Variants in PACRG observed in about 807,000 individuals in gnomAD.
PACRG encodes parkin coregulated gene protein.
Under a neutral mutation model 29.7 loss-of-function variants are expected in PACRG, and 29 were observed. The observed-to-expected ratio is 0.98, with a 90% CI of 0.73 to 1.33. PACRG has a LOEUF of 1.33. Among genes scored for constraint, PACRG ranks in the 40% most tolerant of loss-of-function variants. The probability of loss-of-function intolerance (pLI) is 0.00; values close to 1 mark genes in which losing one functional copy is unlikely to be tolerated. For synonymous variants in PACRG, 116 were observed against 118.7 expected, an observed-to-expected ratio of 0.98 and a Z score of 0.15; for missense variants, 279 against 316.2, an observed-to-expected ratio of 0.88 and a Z score of 0.89.
chr6:163,173,774 A>G (rs1261552612), intron 4 of PACRG, among the ~76,000 whole-genome samples: 4 of 152,184 alleles, frequency 2.6e-5, no homozygotes, highest in Non-Finnish European at 5.9e-5. Flanking sequence ...CCAGCTCAGG[A>G]GCTTTCACCT....
chr6:163,058,183 T>G (rs1429715240), intron 2 of PACRG, among the ~76,000 whole-genome samples: 1 of 152,182 alleles, frequency 6.6e-6, no homozygotes, highest in African/African-American at 2.4e-5. Context: ...AAGAATTTTC[T>G]TGACTCTTCA....
rs76574627 is a variant in PACRG at position 162,951,243 on chromosome 6, A to G, written c.292-110907A>G. The stretch of plus-strand genomic sequence containing the variant: ...GAAAGGGTTTGGGCTTTATAGCAAA[A>G]GTTCCCTCCCAGGTTTTCTATCAAG... On this transcript the variant is annotated intron_variant, in intron 2 of 4. Transcript: ENST00000366888. Among the ~76,000 whole-genome samples the G allele has an allele frequency of 4.3e-3, 655 of 152,336 alleles. 2 individuals are homozygous for G. Among genetic ancestry groups the G allele is most frequent in the Non-Finnish European group, 7.1e-3 (484 of 68,038 alleles).
rs150982774 is a variant in PACRG, at chr6:163,129,713, C to T, written c.613+40305C>T. ...TAGGAGCACGGACTCCACCTCTTTC[C>T]GACTGTACATCCTTGGCCAAGGTAT... On this transcript the variant is annotated intron_variant, in intron 4 of 4. Transcript: ENST00000366888. 1.0e-3 allele frequency among the ~76,000 whole-genome samples: 154 copies of T among 151,840 alleles called. 1 individual carries two copies. Among genetic ancestry groups the T allele is most frequent in the African/African-American group, 3.6e-3 (150 of 41,172 alleles).
At chr6:163,285,362 A>C (rs1585399825) in intron 4 of PACRG, among the ~76,000 whole-genome samples, 3 of 150,144 alleles carry the variant, frequency 2.0e-5, no homozygotes, top group Non-Finnish European at 3.0e-5. Flanking sequence ...CAGCACCCCC[A>C]CCCCGCCAGC....
At chr6:163,186,825 C>T (rs1037438906) in intron 4 of PACRG, among the ~76,000 whole-genome samples, 4 of 152,272 alleles carry the variant, frequency 2.6e-5, no homozygotes, top group African/African-American at 4.8e-5. Context: ...TGTTCCTACC[C>T]GCTGAGGGGC....
intron 2 of PACRG, among the ~76,000 whole-genome samples, chr6:162,860,064 G>A (rs1326133201): frequency 6.6e-6 from 1 of 150,982 alleles, no homozygotes; most frequent in African/African-American, 2.4e-5. Context: ...GTTTAGCAGG[G>A]AGGTGGGGGT....
chr6:163,213,630 G>A (rs1781242093), intron 4 of PACRG, among the ~76,000 whole-genome samples: 1 of 151,928 alleles, frequency 6.6e-6, no homozygotes, highest in African/African-American at 2.4e-5. Context: ...TTTTTATGAA[G>A]CCTCTATGTA....
intron 4 of PACRG, among the ~76,000 whole-genome samples, chr6:163,123,686 C>A (rs1054511430): frequency 1.3e-5 from 2 of 152,178 alleles, no homozygotes; most frequent in Admixed American, 1.3e-4. Context: ...TAGTAACCAG[C>A]GTTCTATTGT....
intron 4 of PACRG, among the ~76,000 whole-genome samples, chr6:163,127,122 T>G (rs542674850): frequency 2.6e-5 from 4 of 152,142 alleles, no homozygotes; most frequent in Non-Finnish European, 4.4e-5. Flanking sequence ...GCCAACAGGG[T>G]CAATGAAGTG....
chr6:162,753,220 G>T (rs1172696748), intron 1 of PACRG, among the ~76,000 whole-genome samples: 1 of 151,916 alleles, frequency 6.6e-6, no homozygotes, highest in Non-Finnish European at 1.5e-5. Context: ...CTGAGACTTT[G>T]CACCCTTCGA....
At chr6:163,141,326 A>G (rs1817142079) in intron 4 of PACRG, among the ~76,000 whole-genome samples, 1 of 152,224 alleles carries the variant, frequency 6.6e-6, no homozygotes, top group South Asian at 2.1e-4. Context: ...CGAAGTGAGT[A>G]CATTAGTAAG....
intron 2 of PACRG, among the ~76,000 whole-genome samples, chr6:162,884,394 A>G (rs9295203): frequency 0.17 from 25,516 of 152,160 alleles, 2,324 homozygotes; most frequent in Non-Finnish European, 0.2. Context: ...GTGTTGTTCA[A>G]GGGTCCACTG....
intron 2 of PACRG, among the ~76,000 whole-genome samples, chr6:162,960,263 C>G (rs1455445375): frequency 1.3e-5 from 2 of 152,182 alleles, no homozygotes; most frequent in African/African-American, 2.4e-5. Flanking sequence ...TGGGTATATA[C>G]CGAAAGGAAA....
chr6:163,054,723 G>C (rs763426999), intron 2 of PACRG, among the ~76,000 whole-genome samples: 3 of 152,116 alleles, frequency 2.0e-5, no homozygotes, highest in African/African-American at 7.2e-5. Flanking sequence ...CTTCCCACCA[G>C]CCATCCTCAT....
In PACRG at chr6:163,255,575, GACCC is replaced by G. The variant is rs113112570; in HGVS notation, c.614-59246_614-59243del. On this transcript the variant is annotated intron_variant, in intron 4 of 4. Coordinates refer to ENST00000366888, the MANE Select transcript of PACRG (RefSeq NM_001080379.2). ...AGAAAGAGACCTGGGCCTTGGGGGCGACCCACCCAATCACCTGGGAACAACAACA... is the reference window on the plus strand; with the variant it reads ...AGAAAGAGACCTGGGCCTTGGGGGCGACCCAATCACCTGGGAACAACAACA... Among the ~76,000 whole-genome samples, 1,316 of 152,172 alleles carry G rather than the reference GACCC, an allele frequency of 8.6e-3. 22 individuals are homozygous for G. Among genetic ancestry groups the G allele is most frequent in the African/African-American group, 0.029 (1,186 of 41,522 alleles).
chr6:163,247,090 C>G (rs985463948), intron 4 of PACRG, among the ~76,000 whole-genome samples: 2 of 152,162 alleles, frequency 1.3e-5, no homozygotes, highest in African/African-American at 4.8e-5. Flanking sequence ...TGAGTTCATA[C>G]GCTCCAAGAA....
At chr6:162,908,120 T>G (rs2128071189) in intron 2 of PACRG, among the ~76,000 whole-genome samples, 1 of 152,358 alleles carries the variant, frequency 6.6e-6, no homozygotes. Flanking sequence ...GTCATAGGCA[T>G]ATATTAATAC....
chr6:163,284,160 T>G (rs1463846730), intron 4 of PACRG, among the ~76,000 whole-genome samples: 1 of 152,246 alleles, frequency 6.6e-6, no homozygotes, highest in Non-Finnish European at 1.5e-5. Flanking sequence ...TATTTTGAAT[T>G]TTTAATTATT....
chr6:162,827,519 T>C (rs1193664900), intron 2 of PACRG, among the ~76,000 whole-genome samples: 1 of 152,216 alleles, frequency 6.6e-6, no homozygotes, highest in African/African-American at 2.4e-5. Context: ...GCACAAATAA[T>C]GAGCTCCACG....
Sources: gnomAD v4.1 joint callset for allele counts (sites outside exome capture counted in the v4.1 genomes callset) on GRCh38, gnomAD v4.1.1 for gene constraint, MANE v1.5 for transcripts, NCBI Gene and HGNC (gene_info 2026-07-23, HGNC 2026-07-21) for gene names.